Variants in GALNTL6 observed in about 807,000 individuals in gnomAD.
GALNTL6 encodes polypeptide N-acetylgalactosaminyltransferase-like 6.
A neutral mutation model predicts 73.7 loss-of-function variants in GALNTL6; 46 were observed. That is an observed-to-expected ratio of 0.62 (90% CI 0.49 to 0.80). The LOEUF (loss-of-function observed/expected upper bound fraction) is 0.80, where lower values mean the gene tolerates loss of function less well. Among genes scored for constraint, GALNTL6 ranks in the 30% least tolerant of loss-of-function variants. The pLI, the probability that GALNTL6 is intolerant of heterozygous loss-of-function variation, is 0.00. For missense variants in GALNTL6, 604 were observed against 755.0 expected, an observed-to-expected ratio of 0.80 and a Z score of 2.34; for synonymous variants, 259 against 263.7, an observed-to-expected ratio of 0.98 and a Z score of 0.17.
At chr4:172,531,578 C>G (rs1735171123) in intron 5 of GALNTL6, among the ~76,000 whole-genome samples, 1 of 152,198 alleles carries the variant, frequency 6.6e-6, no homozygotes, top group Non-Finnish European at 1.5e-5. Context: ...CATGGACAAC[C>G]CTCAAAAATT....
intron 3 of GALNTL6, among the ~76,000 whole-genome samples, chr4:172,291,296 G>A (rs1739462623): frequency 6.6e-6 from 1 of 151,900 alleles, no homozygotes; most frequent in Admixed American, 6.6e-5. Context: ...TTAAGAAACT[G>A]ACATTTTGGG....
intron 2 of GALNTL6, among the ~76,000 whole-genome samples, chr4:172,143,125 G>A (rs111862186): frequency 3.0e-4 from 46 of 152,004 alleles, no homozygotes; most frequent in African/African-American, 1.1e-3. Flanking sequence ...CTGTATTTAG[G>A]GTGCTTTATG....
chr4:171,964,596 T>A (rs914961383), intron 2 of GALNTL6, among the ~76,000 whole-genome samples: 1 of 152,198 alleles, frequency 6.6e-6, no homozygotes, highest in African/African-American at 2.4e-5. Context: ...CATATTCCCA[T>A]CATCTTTCAC....
intron 5 of GALNTL6, among the ~76,000 whole-genome samples, chr4:172,789,679 C>A (rs1460293101): frequency 1.3e-5 from 2 of 152,164 alleles, no homozygotes. Flanking sequence ...AGGATCCAGT[C>A]CTCTTGGGTT....
intron 2 of GALNTL6, among the ~76,000 whole-genome samples, chr4:171,941,132 G>A (rs370461029): frequency 8.0e-4 from 122 of 152,152 alleles, no homozygotes; most frequent in Admixed American, 3.9e-3. Context: ...TATAAACCTA[G>A]AGAGTCGTAT....
intron 2 of GALNTL6, among the ~76,000 whole-genome samples, chr4:172,023,073 T>A (rs951587887): frequency 6.6e-6 from 1 of 151,948 alleles, no homozygotes; most frequent in Admixed American, 6.6e-5. Flanking sequence ...CCTCCCAACA[T>A]CCTTCTTTTC....
chr4:172,106,022 A>G (rs564466448), intron 2 of GALNTL6, among the ~76,000 whole-genome samples: 4 of 152,304 alleles, frequency 2.6e-5, no homozygotes, highest in South Asian at 4.1e-4. Context: ...AAAGATTAAT[A>G]TATCTTTCAA....
At chr4:172,840,894 T>C (rs1212162464) in intron 7 of GALNTL6, among the ~76,000 whole-genome samples, 1 of 152,176 alleles carries the variant, frequency 6.6e-6, no homozygotes, top group Non-Finnish European at 1.5e-5. Context: ...ACATGCCCTC[T>C]CCAGATCAAT....
At chr4:172,122,903 G>A (rs1312199306) in intron 2 of GALNTL6, among the ~76,000 whole-genome samples, 2 of 152,214 alleles carry the variant, frequency 1.3e-5, no homozygotes, top group East Asian at 1.9e-4. Context: ...AAGAATTCAG[G>A]ATCTAGTCAG....
chr4:171,976,072 G>A (rs113654633), intron 2 of GALNTL6, among the ~76,000 whole-genome samples: 5,413 of 151,988 alleles, frequency 0.036, 263 homozygotes, highest in African/African-American at 0.11. Context: ...ACAGGGGTGC[G>A]CCACCATGCC....
At position 172,401,983 on chromosome 4, in the gene GALNTL6, C is replaced by T. The variant is rs561233127; in HGVS notation, c.553+53294C>T. 3.9e-4 allele frequency among the ~76,000 whole-genome samples: 55 copies of T among 139,650 alleles called. 1 individual carries two copies. The highest frequency in any genetic ancestry group is 1.3e-3 in the African/African-American group (49 of 37,732). 91.6% of individuals were successfully genotyped at this position (139,650 alleles called of 152,430 possible). A position where few individuals can be genotyped will look rare whatever the true frequency, so the allele number is the denominator to read the frequency against. On this transcript the variant is annotated intron_variant, in intron 5 of 12. Coordinates refer to ENST00000506823, the MANE Select transcript of GALNTL6 (RefSeq NM_001034845.3). The stretch of plus-strand genomic sequence containing the variant: ...GAGAGAGAGAGAGAGAGAGAGAGAT[C>T]TTTATTAACAGACACAGAACTCTCC...
chr4:171,846,594 A>G (rs1168971607), intron 2 of GALNTL6, among the ~76,000 whole-genome samples: 1 of 151,984 alleles, frequency 6.6e-6, no homozygotes, highest in Non-Finnish European at 1.5e-5. Context: ...CTTGTGACAT[A>G]AAGAAAATAA....
intron 5 of GALNTL6, among the ~76,000 whole-genome samples, chr4:172,479,317 TACAC>T (rs60085866): frequency 0.65 from 98,454 of 151,366 alleles, 32,507 homozygotes; most frequent in South Asian, 0.82. Context: ...TGTGTATACA[TACAC>T]ACACACACAC....
intron 5 of GALNTL6, among the ~76,000 whole-genome samples, chr4:172,658,811 T>C (rs1355686990): frequency 6.6e-6 from 1 of 152,202 alleles, no homozygotes; most frequent in Non-Finnish European, 1.5e-5. Flanking sequence ...ATCTCAGCTA[T>C]AAAAAGCATC....
chr4:171,859,336 T>C (rs756719743), intron 2 of GALNTL6, among the ~76,000 whole-genome samples: 5 of 152,192 alleles, frequency 3.3e-5, no homozygotes, highest in Non-Finnish European at 7.3e-5. Flanking sequence ...TTAAAATTTT[T>C]TGAACTCCCA....
At chr4:171,905,788 A>T (rs2110951875) in intron 2 of GALNTL6, among the ~76,000 whole-genome samples, 1 of 151,974 alleles carries the variant, frequency 6.6e-6, no homozygotes, top group African/African-American at 2.4e-5. Flanking sequence ...ATTATAACAC[A>T]CTATCTCTCA....
intron 10 of GALNTL6, among the ~76,000 whole-genome samples, chr4:172,974,082 G>C (rs1179520872): frequency 6.6e-6 from 1 of 152,170 alleles, no homozygotes; most frequent in African/African-American, 2.4e-5. Flanking sequence ...TGATATTGTA[G>C]GTAGCTAGGT....
At chr4:172,738,659 G>T (rs1051174291) in intron 5 of GALNTL6, among the ~76,000 whole-genome samples, 1 of 152,134 alleles carries the variant, frequency 6.6e-6, no homozygotes, top group Non-Finnish European at 1.5e-5. Flanking sequence ...AGTCAAGTAT[G>T]AGTGACCATG....
intron 2 of GALNTL6, among the ~76,000 whole-genome samples, chr4:172,087,562 A>T (rs1176455156): frequency 6.6e-6 from 1 of 152,152 alleles, no homozygotes; most frequent in African/African-American, 2.4e-5. Flanking sequence ...TTGCTAAGCG[A>T]AAGCAAGGTG....
Sources: allele counts gnomAD v4.1 joint callset (sites outside exome capture counted in the v4.1 genomes callset), GRCh38; gene constraint gnomAD v4.1.1; transcripts MANE v1.5; gene names NCBI Gene and HGNC (gene_info 2026-07-23, HGNC 2026-07-21).